QSER1: variants seen among roughly 807,000 people sequenced by gnomAD.
QSER1 encodes glutamine and serine rich 1.
In QSER1, 49 loss-of-function variants were observed where a neutral mutation model predicts 158.5. The observed-to-expected ratio is 0.31, with a 90% CI of 0.25 to 0.39. QSER1 has a LOEUF of 0.39. Ranked by LOEUF, QSER1 falls within the 10% of genes least tolerant of loss-of-function variation. The probability of loss-of-function intolerance (pLI) is 1.00; values close to 1 mark genes in which losing one functional copy is unlikely to be tolerated. For missense variants in QSER1, 1,754 were observed against 2,010.3 expected (o/e 0.87, Z 2.44); for synonymous variants, 650 against 715.5 (o/e 0.91, Z 1.46).
chr11:32,908,071 C>T (rs992025601), intron 1 of QSER1, among the ~76,000 whole-genome samples: 2 of 152,090 alleles, frequency 1.3e-5, no homozygotes, highest in Non-Finnish European at 2.9e-5. Flanking sequence ...CTTCTCCAGC[C>T]TGGGCAACAG....
At chr11:32,971,880 A>T (rs1035694520) in intron 10 of QSER1, among the ~76,000 whole-genome samples, 2 of 152,024 alleles carry the variant, frequency 1.3e-5, no homozygotes, top group Non-Finnish European at 2.9e-5. Context: ...TGGCTAACAC[A>T]GAGAAACCCC....
rs58917000 is a variant in QSER1 at position 32,973,262 on chromosome 11, T to C, written c.5206-135T>C. ...CAGTACACACACACCTCTCTGCAAA[T>C]AGGTGTTTGTGTGCACACACACCTC... On this transcript the variant is annotated intron_variant, in intron 10 of 12. Transcript: ENST00000650167. 18 of 838,488 alleles carry C rather than the reference T, an allele frequency of 2.1e-5. No individual in the cohort carries two copies. In the East Asian group the frequency reaches 3.9e-4, roughly 18 times the overall value. The allele number at this position is 838,488 out of a possible 1,614,324, so 51.9% of individuals were successfully genotyped here.
chr11:32,942,802 G>A (rs1852263391), intron 4 of QSER1, among the ~76,000 whole-genome samples: 1 of 151,644 alleles, frequency 6.6e-6, no homozygotes. Flanking sequence ...GGATGGCATT[G>A]AATCTGTAAA....
At chr11:32,969,985 G>A (rs758164520) in intron 10 of QSER1, among the ~76,000 whole-genome samples, 23 of 152,162 alleles carry the variant, frequency 1.5e-4, no homozygotes, top group South Asian at 4.1e-4. Context: ...GCACCCGGCC[G>A]AGCTTTTTAT....
chr11:32,927,986 G>A lies in QSER1; in HGVS notation c.347G>A (p.Ser116Asn). 1 of 1,139,596 alleles carries A rather than the reference G, an allele frequency of 8.8e-7. No homozygotes were observed. Among genetic ancestry groups the A allele is most frequent in the Non-Finnish European group, 1.3e-6 (1 of 757,136 alleles). The allele number at this position is 1,139,596 out of a possible 1,614,324, so 70.6% of individuals were successfully genotyped here. A position where few individuals can be genotyped will look rare whatever the true frequency, so the allele number is the denominator to read the frequency against. Residue 116 changes from serine to asparagine, a missense_variant, in exon 3 of 13, where the codon AGT becomes AAT. Transcript: ENST00000650167. ...PTGLSGIFDT[S>N]VNSASSNTKE... ...GGTCTTTCTGGAATATTTGATACTA[G>A]TGTGAACAGTGCCAGCAGTAACACT... is the stretch of plus-strand genomic sequence containing the variant.
intron 1 of QSER1, among the ~76,000 whole-genome samples, chr11:32,900,122 T>C (rs1200625638): frequency 6.6e-6 from 1 of 152,224 alleles, no homozygotes; most frequent in East Asian, 1.9e-4. Flanking sequence ...GCATGGATAA[T>C]TGCAGTTGCC....
At position 32,920,598 on chromosome 11, in the gene QSER1, C is replaced by T. The variant is rs553975137; in HGVS notation, c.210-6559C>T. On this transcript the variant is annotated intron_variant, in intron 1 of 12. Transcript: ENST00000650167. Reference sequence around the variant, plus strand: ...GAAAAGATAACCACTGAATGGAAAACAATGTTAAAAATCAGATTTATCGGG... The same window carrying T: ...GAAAAGATAACCACTGAATGGAAAATAATGTTAAAAATCAGATTTATCGGG... Among the ~76,000 whole-genome samples the T allele has an allele frequency of 4.6e-5, 7 of 152,178 alleles. No homozygotes were observed. The South Asian group carries it at 1.5e-3, about 32-fold the overall frequency.
At chr11:32,969,018 A>G (rs779606289) in intron 9 of QSER1, 28 bp from the exon 10 acceptor site, 1 of 1,193,734 alleles carries the variant, frequency 8.4e-7, no homozygotes, top group South Asian at 1.4e-5. Flanking sequence ...TTGATAGTTT[A>G]TCCTGTTAAA....
intron 4 of QSER1, among the ~76,000 whole-genome samples, chr11:32,938,622 T>C (rs189612516): frequency 3.3e-5 from 5 of 152,320 alleles, no homozygotes; most frequent in East Asian, 3.9e-4. Context: ...GCTGTTAGTT[T>C]TTTGTGGACT....
rs375628983 is a variant in QSER1 at position 32,945,220 on chromosome 11, C to A, written c.4178-8637C>A. Among the ~76,000 whole-genome samples, 881 of 148,550 alleles carry A rather than the reference C, an allele frequency of 5.9e-3. 24 individuals carry two copies. The East Asian group carries it at 0.075, about 13-fold the overall frequency. On this transcript the variant is annotated intron_variant, in intron 4 of 12. Coordinates refer to ENST00000650167, the MANE Select transcript of QSER1 (RefSeq NM_001076786.3). ...GCCAGTCTGTGTCTTTTAATTGGAG[C>A]ATTTAGTCCATTTACATTTAAAGTT... is the stretch of plus-strand genomic sequence containing the variant.
At chr11:32,966,807 A>C (rs1852757751) in intron 9 of QSER1, among the ~76,000 whole-genome samples, 1 of 152,230 alleles carries the variant, frequency 6.6e-6, no homozygotes. Context: ...CATAAAGATT[A>C]AAATCATATA....
Position 32,933,881 on chromosome 11 carries a change from G to C in QSER1, c.2623G>C (p.Gly875Arg), listed in dbSNP as rs771759503. 13 of 1,613,498 alleles carry C rather than the reference G, an allele frequency of 8.1e-6. No homozygotes were observed. The highest frequency in any genetic ancestry group is 8.5e-7 in the Non-Finnish European group (1 of 1,179,866). The change falls in exon 4 of 13, where the codon GGT becomes CGT. Residue 875 changes from glycine to arginine, a missense_variant. By Grantham distance (125) the Gly-to-Arg change is moderately radical. Around this residue, in one of 2 missense-constraint regions of QSER1, gnomAD observed 1,707 missense variants for 1,919.6 expected, o/e 0.89. Transcript: ENST00000650167. ...LQQSILQAGL[G>R]QVKASLQAQR... is the part of the protein sequence containing the mutation. ...GCAGTCAATACTGCAGGCAGGTTTA[G>C]GTCAAGTAAAGGCATCTTTACAAGC... is the stretch of plus-strand genomic sequence containing the variant.
chr11:32,948,731 CA>C (rs1452585081), intron 4 of QSER1, among the ~76,000 whole-genome samples: 2 of 152,204 alleles, frequency 1.3e-5, no homozygotes, highest in Admixed American at 6.5e-5. Context: ...AGAAGTTATA[CA>C]TTCTTTTTTT....
At chr11:32,953,434 C>A (rs942964065) in intron 4 of QSER1, among the ~76,000 whole-genome samples, 3 of 151,954 alleles carry the variant, frequency 2.0e-5, no homozygotes, top group Non-Finnish European at 4.4e-5. Context: ...CTCACTGTAA[C>A]CCTTGAACTC....
At chr11:32,971,664 T>G (rs966895180) in intron 10 of QSER1, among the ~76,000 whole-genome samples, 5 of 152,218 alleles carry the variant, frequency 3.3e-5, no homozygotes, top group South Asian at 4.1e-4. Context: ...TGATGGTAGC[T>G]CACTGTGGTA....
intron 1 of QSER1, among the ~76,000 whole-genome samples, chr11:32,896,014 G>C (rs1851549817): frequency 6.6e-6 from 1 of 152,208 alleles, no homozygotes; most frequent in Non-Finnish European, 1.5e-5. Flanking sequence ...AAAGTACAGG[G>C]ATAAGGACTG....
intron 1 of QSER1, among the ~76,000 whole-genome samples, chr11:32,921,124 A>C (rs1043893465): frequency 6.6e-6 from 1 of 152,224 alleles, no homozygotes; most frequent in African/African-American, 2.4e-5. Context: ...GAATGGATAA[A>C]CAAAATGTGG....
intron 1 of QSER1, among the ~76,000 whole-genome samples, chr11:32,896,689 T>G (rs1418804194): frequency 7.2e-5 from 11 of 152,194 alleles, no homozygotes; most frequent in Non-Finnish European, 1.5e-5. Context: ...GTGCCTGGCC[T>G]GTTTTTTGCC....
chr11:32,911,873 AC>A (rs1263407566), intron 1 of QSER1, among the ~76,000 whole-genome samples: 1 of 152,180 alleles, frequency 6.6e-6, no homozygotes, highest in East Asian at 1.9e-4. Flanking sequence ...TAGTATTGTT[AC>A]TCATTTATTT....
Sources: gnomAD v4.1 joint callset for allele counts (sites outside exome capture counted in the v4.1 genomes callset) on GRCh38, gnomAD v4.1.1 for gene constraint, gnomAD v4.1.1 regional missense constraint, MANE v1.5 for transcripts, NCBI Gene and HGNC (gene_info 2026-07-23, HGNC 2026-07-21) for gene names.